The following LRMDA variants were observed in gnomAD, a reference collection of about 807,000 sequenced individuals.
LRMDA encodes the protein leucine-rich melanocyte differentiation-associated protein.
Under a neutral mutation model 29.8 loss-of-function variants are expected in LRMDA, and 18 were observed. The observed-to-expected ratio is 0.60, with a 90% confidence interval of 0.42 to 0.90. The LOEUF (loss-of-function observed/expected upper bound fraction) is 0.90. Ranked by LOEUF, LRMDA falls within the 40% of genes least tolerant of loss-of-function variation. The probability of loss-of-function intolerance (pLI) is 0.00; values close to 1 mark genes in which losing one functional copy is unlikely to be tolerated. For synonymous variants in LRMDA, 125 were observed against 109.4 expected, an observed-to-expected ratio of 1.14 and a Z score of -0.89; for missense variants, 273 against 273.9, an observed-to-expected ratio of 1.00 and a Z score of 0.02.
intron 6 of LRMDA, among the ~76,000 whole-genome samples, chr10:76,490,888 T>C (rs1842827405): frequency 6.6e-6 from 1 of 151,924 alleles, no homozygotes; most frequent in Non-Finnish European, 1.5e-5. Context: ...TGAAGGTGAT[T>C]TTCTCTTGTG....
At chr10:76,123,861 C>T (rs1437202743) in intron 5 of LRMDA, among the ~76,000 whole-genome samples, 3 of 152,108 alleles carry the variant, frequency 2.0e-5, no homozygotes, top group Non-Finnish European at 2.9e-5. Flanking sequence ...TTAGGGGATG[C>T]GGCAAATATT....
At chr10:76,362,884 CT>C (rs1348187070) in intron 6 of LRMDA, among the ~76,000 whole-genome samples, 1 of 151,634 alleles carries the variant, frequency 6.6e-6, no homozygotes, top group Non-Finnish European at 1.5e-5. Context: ...ATTGAATGAC[CT>C]GTCCTAATCT....
At chr10:75,786,548 T>C (rs1428706876) in intron 2 of LRMDA, among the ~76,000 whole-genome samples, 2 of 152,200 alleles carry the variant, frequency 1.3e-5, no homozygotes, top group African/African-American at 4.8e-5. Context: ...TTTTCCTATA[T>C]GGAATATATT....
chr10:75,608,662 A>G (rs989237509), intron 2 of LRMDA, among the ~76,000 whole-genome samples: 3 of 151,970 alleles, frequency 2.0e-5, no homozygotes, highest in African/African-American at 7.3e-5. Flanking sequence ...CAAGGCCACA[A>G]GTTTATTTTG....
chr10:76,144,245 T>C (rs1336961806), intron 5 of LRMDA, among the ~76,000 whole-genome samples: 1 of 152,192 alleles, frequency 6.6e-6, no homozygotes, highest in African/African-American at 2.4e-5. Context: ...ATTGGTAGCT[T>C]GATGGAGATG....
chr10:76,433,667 G>A (rs1435381351), intron 6 of LRMDA: 1 of 152,252 alleles, frequency 6.6e-6, no homozygotes, highest in African/African-American at 2.4e-5. Context: ...GCTTTCCTGA[G>A]TATTGACTGA....
rs552111822 is a variant in LRMDA, at chr10:76,193,456, T to G, written c.517-130945T>G. Among the ~76,000 whole-genome samples, 8 of 152,332 alleles carry G rather than the reference T, an allele frequency of 5.3e-5. 1 individual carries two copies. In the South Asian group the frequency reaches 1.7e-3, roughly 32 times the overall value. On this transcript the variant is annotated intron_variant, in intron 5 of 6. Transcript: ENST00000611255. ...CACCTCTGAGGCTAACAACTGGTGG[T>G]GTCATTTGACCAAGAACTTTCCCAG...
At chr10:76,209,451 C>G (rs1851596902) in intron 5 of LRMDA, among the ~76,000 whole-genome samples, 1 of 152,118 alleles carries the variant, frequency 6.6e-6, no homozygotes, top group African/African-American at 2.4e-5. Context: ...GGGGTGTTTT[C>G]TTCTCTCTCT....
At chr10:76,232,895 TG>T (rs952221502) in intron 5 of LRMDA, among the ~76,000 whole-genome samples, 4 of 152,192 alleles carry the variant, frequency 2.6e-5, no homozygotes, top group African/African-American at 9.6e-5. Context: ...CTGATTGGTT[TG>T]GGGGTATGCA....
intron 5 of LRMDA, among the ~76,000 whole-genome samples, chr10:76,122,718 A>C (rs1458833519): frequency 6.6e-6 from 1 of 152,150 alleles, no homozygotes; most frequent in Non-Finnish European, 1.5e-5. Flanking sequence ...CTACTTACCT[A>C]CAAAATGAGG....
chr10:76,238,606 C>T (rs1202315826), intron 5 of LRMDA, among the ~76,000 whole-genome samples: 1 of 151,758 alleles, frequency 6.6e-6, no homozygotes, highest in Non-Finnish European at 1.5e-5. Flanking sequence ...TAAGGATATA[C>T]TTGATTTTGA....
chr10:76,254,996 C>T (rs1447853062), intron 5 of LRMDA, among the ~76,000 whole-genome samples: 1 of 152,174 alleles, frequency 6.6e-6, no homozygotes, highest in African/African-American at 2.4e-5. Flanking sequence ...TTTGGCCTAA[C>T]CTTCCAGACT....
intron 5 of LRMDA, among the ~76,000 whole-genome samples, chr10:76,212,013 G>A (rs541493142): frequency 2.0e-5 from 3 of 152,104 alleles, no homozygotes; most frequent in Non-Finnish European, 2.9e-5. Flanking sequence ...TGGGGGCAAA[G>A]GTTCAAAAAG....
At chr10:75,598,934 T>C (rs1345615062) in intron 2 of LRMDA, among the ~76,000 whole-genome samples, 2 of 152,172 alleles carry the variant, frequency 1.3e-5, no homozygotes, top group African/African-American at 4.8e-5. Context: ...GTCCAGGCTT[T>C]AATCAGTTGT....
chr10:75,791,843 G>C (rs1227302325), intron 2 of LRMDA, among the ~76,000 whole-genome samples: 2 of 148,386 alleles, frequency 1.3e-5, no homozygotes, highest in Non-Finnish European at 3.0e-5. Flanking sequence ...AGTTGATTTT[G>C]GGATTCCAGG....
At chr10:75,482,645 A>C (rs1164861714) in intron 2 of LRMDA, among the ~76,000 whole-genome samples, 1 of 152,178 alleles carries the variant, frequency 6.6e-6, no homozygotes, top group Non-Finnish European at 1.5e-5. Flanking sequence ...TAAGTGACTG[A>C]GTAGAGTCTG....
intron 6 of LRMDA, among the ~76,000 whole-genome samples, chr10:76,407,243 T>C (rs1159914443): frequency 6.6e-6 from 1 of 152,114 alleles, no homozygotes; most frequent in African/African-American, 2.4e-5. Flanking sequence ...AAGAGAAAAA[T>C]AGTTGTTTGC....
At chr10:75,481,700 A>T (rs1292217900) in intron 2 of LRMDA, among the ~76,000 whole-genome samples, 1 of 152,182 alleles carries the variant, frequency 6.6e-6, no homozygotes, top group African/African-American at 2.4e-5. Flanking sequence ...TAATGGTTTT[A>T]TGCTGTTAGG....
intron 5 of LRMDA, among the ~76,000 whole-genome samples, chr10:76,260,414 G>A (rs138342139): frequency 3.3e-5 from 5 of 152,076 alleles, no homozygotes; most frequent in Non-Finnish European, 7.4e-5. Flanking sequence ...GTCTGAAAAA[G>A]ATTTTATTTC....
Sources: allele counts gnomAD v4.1 joint callset (sites outside exome capture counted in the v4.1 genomes callset), GRCh38; gene constraint gnomAD v4.1.1; transcripts MANE v1.5; gene names NCBI Gene and HGNC (gene_info 2026-07-23, HGNC 2026-07-21).